The following CHL1 variants were observed in gnomAD, a reference collection of about 807,000 sequenced individuals.
CHL1 encodes the protein neural cell adhesion molecule L1-like protein.
CHL1 carries 96 observed loss-of-function variants against 141.9 expected under a neutral mutation model. That is an observed-to-expected ratio of 0.68 (90% CI 0.57 to 0.80). The LOEUF (loss-of-function observed/expected upper bound fraction) is 0.80, where lower values mean the gene tolerates loss of function less well. Among genes scored for constraint, CHL1 ranks in the 30% least tolerant of loss-of-function variants. The pLI, the probability that CHL1 is intolerant of heterozygous loss-of-function variation, is 0.00. For synonymous variants in CHL1, 613 were observed against 502.2 expected, an observed-to-expected ratio of 1.22 and a Z score of -2.95; for missense variants, 1,820 against 1,457.2, an observed-to-expected ratio of 1.25 and a Z score of -4.05.
chr3:391,736 T>A lies in CHL1; in HGVS notation c.2853T>A (p.Ser951=). Residue 951 remains serine (S), a synonymous_variant, in exon 23 of 28, where the codon TCT becomes TCA. Transcript: ENST00000256509. ...IKVDKDTATL[S]WGLPKKLNGN... is the part of the protein sequence containing the mutation. ...TTGATAAAGACACTGCCACTTTATC[T>A]TGGGGACTACCTAAGAAATTAAATG... is the stretch of plus-strand genomic sequence containing the variant. 6.2e-7 allele frequency: 1 copy of A among 1,603,824 alleles called. No individual in the cohort carries two copies. Among genetic ancestry groups the A allele is most frequent in the Non-Finnish European group, 8.5e-7 (1 of 1,172,370 alleles).
intron 23 of CHL1, 112 bp downstream of exon 23, chr3:391,909 T>G (rs1305811187): frequency 1.2e-6 from 1 of 846,018 alleles, no homozygotes; most frequent in African/African-American, 1.8e-5. Context: ...GTTTGTAAGC[T>G]GCCGTTCTTC....
intron 1 of CHL1, chr3:198,194 G>GATCTACAC: frequency 5.7e-6 from 1 of 175,900 alleles, no homozygotes; most frequent in Non-Finnish European, 1.2e-5. Context: ...CGGCGGCGGA[G>GATCTACAC]GGCAGGTGTG....
At chr3:405,427 A>G in intron 27 of CHL1, 68 bp from the exon 28 acceptor site, 18 of 1,034,560 alleles carry the variant, frequency 1.7e-5, no homozygotes, top group Non-Finnish European at 2.7e-5. Context: ...ATCACTTATG[A>G]CTGTGTTGCT....
intron 23 of CHL1, among the ~76,000 whole-genome samples, chr3:392,204 A>G (rs922500167): frequency 6.6e-6 from 1 of 152,234 alleles, no homozygotes; most frequent in Non-Finnish European, 1.5e-5. Flanking sequence ...ATGTTTATAT[A>G]TAAGATGTTT....
intron 15 of CHL1, among the ~76,000 whole-genome samples, chr3:366,327 C>T (rs111527018): frequency 2.0e-5 from 3 of 151,852 alleles, no homozygotes; most frequent in Admixed American, 6.6e-5. Flanking sequence ...AAAAATTAGC[C>T]GGGCATGATG....
At chr3:374,543 C>T (rs1172819552) in intron 15 of CHL1, among the ~76,000 whole-genome samples, 3 of 152,152 alleles carry the variant, frequency 2.0e-5, no homozygotes, top group African/African-American at 7.2e-5. Flanking sequence ...TCATGTGACC[C>T]AGTTTTACAG....
At chr3:307,325 C>G (rs1046145506) in intron 2 of CHL1, among the ~76,000 whole-genome samples, 6 of 152,328 alleles carry the variant, frequency 3.9e-5, no homozygotes, top group Non-Finnish European at 7.4e-5. Flanking sequence ...TGCATTTACA[C>G]ACACAAACGT....
chr3:269,381 C>A (rs571410221), intron 2 of CHL1, among the ~76,000 whole-genome samples: 6 of 152,284 alleles, frequency 3.9e-5, no homozygotes, highest in Admixed American at 3.9e-4. Context: ...CAGTAATGAA[C>A]TTCCGAATCT....
chr3:342,206 G>T, intron 7 of CHL1, 124 bp downstream of exon 7: 1 of 735,922 alleles, frequency 1.4e-6, no homozygotes, highest in East Asian at 2.8e-5. Flanking sequence ...TTCAACTCTG[G>T]AGACTTCTTC....
chr3:375,769 A>G (rs1706235892), intron 15 of CHL1, among the ~76,000 whole-genome samples: 1 of 152,166 alleles, frequency 6.6e-6, no homozygotes, highest in African/African-American at 2.4e-5. Flanking sequence ...TGTTATCCCC[A>G]TTTTTCAGAT....
At chr3:263,309 C>G (rs911601708) in intron 2 of CHL1, among the ~76,000 whole-genome samples, 21 of 151,786 alleles carry the variant, frequency 1.4e-4, no homozygotes, top group African/African-American at 4.8e-4. Flanking sequence ...AGAGTTGCAG[C>G]TCTTAGAGTA....
At chr3:229,849 T>A (rs1308984143) in intron 1 of CHL1, among the ~76,000 whole-genome samples, 1 of 152,228 alleles carries the variant, frequency 6.6e-6, no homozygotes. Flanking sequence ...ATTATCTGTC[T>A]GTGCCCCACC....
At chr3:323,036 T>C (rs775981536) in intron 3 of CHL1, among the ~76,000 whole-genome samples, 2 of 152,054 alleles carry the variant, frequency 1.3e-5, no homozygotes, top group Admixed American at 1.3e-4. Context: ...AATTCTGCTA[T>C]GCGTCAAAGT....
In CHL1 at chr3:328,874, C is replaced by A. The variant is rs4330243; in HGVS notation, c.385+520C>A. On this transcript the variant is annotated intron_variant, in intron 5 of 27. Coordinates refer to ENST00000256509, the MANE Select transcript of CHL1 (RefSeq NM_006614.4). ...ATTGTACACTGGCTCTTAAATGCTT[C>A]TGACAAGAAGTTATGCAGGCAACTC... is the stretch of plus-strand genomic sequence containing the variant. Among the ~76,000 whole-genome samples, 38 of 152,194 alleles carry A rather than the reference C, an allele frequency of 2.5e-4. No individual in the cohort carries two copies. In the South Asian group the frequency reaches 7.2e-3, roughly 29 times the overall value.
chr3:293,450 C>T (rs1005542886), intron 2 of CHL1, among the ~76,000 whole-genome samples: 2 of 152,014 alleles, frequency 1.3e-5, no homozygotes, highest in African/African-American at 4.8e-5. Context: ...TTGCAGTGGG[C>T]TGAGAGATCG....
intron 9 of CHL1, among the ~76,000 whole-genome samples, chr3:347,685 C>A (rs1702881903): frequency 6.6e-6 from 1 of 152,126 alleles, no homozygotes; most frequent in Non-Finnish European, 1.5e-5. Flanking sequence ...TATAACTTGG[C>A]AAATTGTCAT....
intron 2 of CHL1, among the ~76,000 whole-genome samples, chr3:279,770 A>C (rs777772940): frequency 6.6e-6 from 1 of 152,208 alleles, no homozygotes; most frequent in Non-Finnish European, 1.5e-5. Context: ...CAATGAGAGA[A>C]GTGGGCAGTG....
intron 2 of CHL1, chr3:248,512 T>C (rs1473022221): frequency 6.6e-6 from 1 of 152,086 alleles, no homozygotes; most frequent in Non-Finnish European, 1.5e-5. Context: ...ACATATTTAA[T>C]GTGTACAATT....
At chr3:290,645 T>A in intron 2 of CHL1, among the ~76,000 whole-genome samples, 1 of 152,090 alleles carries the variant, frequency 6.6e-6, no homozygotes, top group Non-Finnish European at 1.5e-5. Flanking sequence ...GTTCCTAGAG[T>A]ACAGTAGGCA....
Sources: gnomAD v4.1 joint callset for allele counts (sites outside exome capture counted in the v4.1 genomes callset) on GRCh38, gnomAD v4.1.1 for gene constraint, MANE v1.5 for transcripts, NCBI Gene and HGNC (gene_info 2026-07-23, HGNC 2026-07-21) for gene names.